Variants in CXADR observed in about 807,000 individuals in gnomAD.
CXADR encodes coxsackievirus and adenovirus receptor.
Under a neutral mutation model 40.3 loss-of-function variants are expected in CXADR, and 20 were observed. That is an observed-to-expected ratio of 0.50 (90% CI 0.35 to 0.72). The LOEUF is 0.72. CXADR is among the 30% of genes least tolerant of loss of function. CXADR has a pLI of 0.01. For missense variants in CXADR, 332 were observed against 449.1 expected (o/e 0.74, Z 2.36); for synonymous variants, 150 against 161.3 (o/e 0.93, Z 0.53).
rs548674968 is a variant in CXADR, at chr21:17,522,271, C to T, written c.43+9099C>T. On this transcript the variant is annotated intron_variant, in intron 1 of 6. Coordinates refer to ENST00000284878, the MANE Select transcript of CXADR (RefSeq NM_001338.5). The stretch of plus-strand genomic sequence containing the variant: ...TCAAGTGATTCTCCTGCCTCAGCCT[C>T]CCGAGTAGCTGGGATTACAGGCATG... Among the ~76,000 whole-genome samples, 62 of 152,160 alleles carry T rather than the reference C, an allele frequency of 4.1e-4. 1 individual carries two copies. In the South Asian group the frequency reaches 0.012, roughly 31 times the overall value.
chr21:17,626,429 AG>A, the CXADR span, among the ~76,000 whole-genome samples: 1 of 152,188 alleles, frequency 6.6e-6, no homozygotes, highest in Non-Finnish European at 1.5e-5. Context: ...TTACTCAATC[AG>A]AATTAGAAGG....
chr21:17,566,828 C>T lies in CXADR; in HGVS notation c.*1136C>T, dbSNP rs1405770340. On this transcript the variant is annotated 3_prime_UTR_variant, in exon 7 of 7. Coordinates refer to ENST00000284878, the MANE Select transcript of CXADR (RefSeq NM_001338.5). Reference sequence around the variant, plus strand: ...AGTGTCCTCCATCAATTCTGTATTCCAGACTTGGGAGGATGTACAGTTGCT... The same window carrying T: ...AGTGTCCTCCATCAATTCTGTATTCTAGACTTGGGAGGATGTACAGTTGCT... 1.0e-6 allele frequency: 1 copy of T among 975,366 alleles called. No individual in the cohort carries two copies. Among genetic ancestry groups the T allele is most frequent in the Non-Finnish European group, 1.2e-6 (1 of 821,290 alleles). The allele number at this position is 975,366 out of a possible 1,614,324, so 60.4% of individuals were successfully genotyped here.
chr21:17,567,391 T>A lies in CXADR; in HGVS notation c.*1699T>A. On this transcript the variant is annotated 3_prime_UTR_variant, in exon 7 of 7. Transcript: ENST00000284878. The stretch of plus-strand genomic sequence containing the variant: ...TTATGTAAAATTACTTTTATACTCG[T>A]GTTAACATTTTCATCTGTGCCTTTT... The A allele has an allele frequency of 1.0e-6, 1 of 984,948 alleles. No homozygotes were observed. The highest frequency in any genetic ancestry group is 4.7e-5 in the South Asian group (1 of 21,274). The allele number at this position is 984,948 out of a possible 1,614,324, so 61.0% of individuals were successfully genotyped here.
chr21:17,540,615 C>T (rs1261189611), intron 1 of CXADR, among the ~76,000 whole-genome samples: 1 of 152,110 alleles, frequency 6.6e-6, no homozygotes, highest in Non-Finnish European at 1.5e-5. Context: ...TCTGATTTTC[C>T]TGACTGTTGT....
chr21:17,518,866 T>C (rs1288488229), intron 1 of CXADR: 1 of 1,562,492 alleles, frequency 6.4e-7, no homozygotes, highest in Non-Finnish European at 8.8e-7. Flanking sequence ...AGCCAGTTTT[T>C]TTAGAGAACT....
chr21:17,593,258 A>ACTT, exon 8 of CXADR: 1 of 1,305,856 alleles, frequency 7.7e-7, no homozygotes, highest in East Asian at 2.9e-5. Context: ...TCTAGTAAAG[A>ACTT]CTTAAATGTT....
Position 17,513,885 on chromosome 21 carries a change from T to C in CXADR, c.43+713T>C, listed in dbSNP as rs890612219. ...AAAGGAGAATTCAGTGACCTCGTTT[T>C]TGAGTTTGTAATGAGTCGTTCATTT... On this transcript the variant is annotated intron_variant, in intron 1 of 6. Transcript: ENST00000284878. Among the ~76,000 whole-genome samples, 3 of 152,310 alleles carry C rather than the reference T, an allele frequency of 2.0e-5. No homozygotes were observed. The South Asian group carries it at 6.2e-4, about 32-fold the overall frequency.
At chr21:17,513,837 T>C (rs2060424198) in intron 1 of CXADR, among the ~76,000 whole-genome samples, 1 of 152,202 alleles carries the variant, frequency 6.6e-6, no homozygotes, top group Non-Finnish European at 1.5e-5. Flanking sequence ...AGCATTGGTT[T>C]CTGCAGTCCT....
At chr21:17,596,953 T>C (rs1235567580), downstream of CXADR, among the ~76,000 whole-genome samples, 1 of 152,104 alleles carries the variant, frequency 6.6e-6, no homozygotes, top group East Asian at 1.9e-4. Flanking sequence ...GTTGTCCTTA[T>C]TTGATAAAAC....
chr21:17,532,148 G>T (rs1166298788), intron 1 of CXADR, among the ~76,000 whole-genome samples: 1 of 151,884 alleles, frequency 6.6e-6, no homozygotes, highest in Non-Finnish European at 1.5e-5. Flanking sequence ...GCCCAGGTTG[G>T]TCTCAAACTC....
the CXADR span, among the ~76,000 whole-genome samples, chr21:17,621,243 C>T: frequency 1.3e-5 from 2 of 152,138 alleles, no homozygotes; most frequent in Admixed American, 6.5e-5. Context: ...GGTTTTAAAA[C>T]ATAAATCCCC....
downstream of CXADR, among the ~76,000 whole-genome samples, chr21:17,595,724 T>C (rs185866262): frequency 2.6e-5 from 4 of 152,152 alleles, no homozygotes; most frequent in African/African-American, 9.6e-5. Flanking sequence ...AAAACAATGC[T>C]GCAATGAATA....
At chr21:17,516,040 A>G (rs966437391) in intron 1 of CXADR, among the ~76,000 whole-genome samples, 2 of 152,206 alleles carry the variant, frequency 1.3e-5, no homozygotes. Flanking sequence ...AATCAGTAGT[A>G]GCAGCAGTAG....
At chr21:17,629,475 G>A in the CXADR span, among the ~76,000 whole-genome samples, 1 of 152,046 alleles carries the variant, frequency 6.6e-6, no homozygotes, top group Non-Finnish European at 1.5e-5. Flanking sequence ...TGATGTCGGA[G>A]GATTACCTGA....
At chr21:17,598,828 A>C in the CXADR span, 1 of 1,602,372 alleles carries the variant, frequency 6.2e-7, no homozygotes, top group Non-Finnish European at 8.5e-7. Context: ...TCCATACCTA[A>C]GAATAAAATT....
At chr21:17,620,391 A>G in the CXADR span, among the ~76,000 whole-genome samples, 2 of 152,338 alleles carry the variant, frequency 1.3e-5, no homozygotes, top group East Asian at 3.9e-4. Context: ...ACATTTATCT[A>G]TTAAGTTAAC....
At chr21:17,575,380 C>A (rs1242870456) in intron 7 of CXADR, among the ~76,000 whole-genome samples, 1 of 151,468 alleles carries the variant, frequency 6.6e-6, no homozygotes, top group Non-Finnish European at 1.5e-5. Flanking sequence ...AGAGGTCTTG[C>A]TGTGTTGCCC....
rs2060904995 is a variant in CXADR at position 17,546,971 on chromosome 21, G to A, written c.44-56G>A. 1.1e-5 allele frequency: 17 copies of A among 1,593,358 alleles called. No homozygotes were observed. The South Asian group carries it at 1.4e-4, about 13-fold the overall frequency. ...TGCTTCTGAATGGCTGCGGGGCACT[G>A]TGTGGGCTGTCAGCGTATAGCAAAT... On this transcript the variant is annotated intron_variant, in intron 1 of 6. Transcript: ENST00000284878.
chr21:17,635,319 T>C, the CXADR span, among the ~76,000 whole-genome samples: 1 of 152,232 alleles, frequency 6.6e-6, no homozygotes, highest in African/African-American at 2.4e-5. Flanking sequence ...CTTTGCTCTA[T>C]TGAAGCATAA....
Sources: gnomAD v4.1 joint callset for allele counts (sites outside exome capture counted in the v4.1 genomes callset) on GRCh38, gnomAD v4.1.1 for gene constraint, MANE v1.5 for transcripts, NCBI Gene and HGNC (gene_info 2026-07-23, HGNC 2026-07-21) for gene names.